The following ADAMTSL3 variants were observed in gnomAD, a reference collection of about 807,000 sequenced individuals.
The protein encoded by ADAMTSL3 is ADAMTS-like protein 3.
ADAMTSL3 carries 128 observed loss-of-function variants against 201.7 expected under a neutral mutation model. The ratio of observed to expected loss-of-function variants is 0.63; its 90% CI spans 0.55 to 0.73. ADAMTSL3 has a LOEUF of 0.73. Ranked by LOEUF, ADAMTSL3 falls within the 30% of genes least tolerant of loss-of-function variation. The probability of loss-of-function intolerance (pLI) is 0.00; values close to 1 mark genes in which losing one functional copy is unlikely to be tolerated. For missense variants in ADAMTSL3, 1,990 were observed against 2,119.6 expected, an observed-to-expected ratio of 0.94 and a Z score of 1.20; for synonymous variants, 738 against 748.4, an observed-to-expected ratio of 0.99 and a Z score of 0.23.
chr15:83,917,763 T>C (rs1467319393), intron 16 of ADAMTSL3, among the ~76,000 whole-genome samples: 3 of 152,040 alleles, frequency 2.0e-5, no homozygotes, highest in Admixed American at 6.6e-5. Context: ...CAACTCTCTT[T>C]GTTTCATTTG....
chr15:83,996,344 G>C (rs919917099), intron 23 of ADAMTSL3, among the ~76,000 whole-genome samples: 2 of 152,034 alleles, frequency 1.3e-5, no homozygotes, highest in Admixed American at 6.5e-5. Context: ...ACACTTTGCT[G>C]TTAAGATATA....
chr15:83,960,043 T>C (rs113846348), intron 19 of ADAMTSL3, among the ~76,000 whole-genome samples: 23 of 152,324 alleles, frequency 1.5e-4, no homozygotes, highest in African/African-American at 5.5e-4. Flanking sequence ...TCATTTTTAT[T>C]ATGTGAGAAA....
At chr15:83,968,993 G>C (rs1028061001) in intron 19 of ADAMTSL3, among the ~76,000 whole-genome samples, 6 of 152,070 alleles carry the variant, frequency 3.9e-5, no homozygotes, top group African/African-American at 1.4e-4. Context: ...TCACACACTG[G>C]GGCCTGTCAG....
intron 5 of ADAMTSL3, among the ~76,000 whole-genome samples, chr15:83,813,901 A>G (rs2063734073): frequency 6.6e-6 from 1 of 152,226 alleles, no homozygotes; most frequent in African/African-American, 2.4e-5. Context: ...GAGGTCTAAT[A>G]CCTGAATTCA....
At chr15:83,715,481 C>G (rs2062004791) in intron 3 of ADAMTSL3, among the ~76,000 whole-genome samples, 1 of 152,108 alleles carries the variant, frequency 6.6e-6, no homozygotes, top group Non-Finnish European at 1.5e-5. Flanking sequence ...TTCTCTCATC[C>G]CCTTTGAGAT....
chr15:83,841,949 AG>A (rs2064386658), intron 7 of ADAMTSL3, among the ~76,000 whole-genome samples: 1 of 151,396 alleles, frequency 6.6e-6, no homozygotes, highest in Non-Finnish European at 1.5e-5. Flanking sequence ...ACAGAGACTC[AG>A]GGGGAAATTT....
In ADAMTSL3 at chr15:83,770,883, C is replaced by T. The variant is rs890452039; in HGVS notation, c.190-2640C>T. Reference sequence around the variant, plus strand: ...AGGTTCGAGACTGTCCTGGCTAACACGGTGAAACCCCATCTCTACTAAAAA... The same window carrying T: ...AGGTTCGAGACTGTCCTGGCTAACATGGTGAAACCCCATCTCTACTAAAAA... On this transcript the variant is annotated intron_variant, in intron 3 of 29. Transcript: ENST00000286744. Among the ~76,000 whole-genome samples, 129 of 152,016 alleles carry T rather than the reference C, an allele frequency of 8.5e-4. 9 individuals carry two copies. Among genetic ancestry groups the T allele is most frequent in the Admixed American group, 6.6e-5 (1 of 15,256 alleles).
rs867218845 is a variant in ADAMTSL3, at chr15:84,038,596, A to G, written c.*790A>G. Reference sequence around the variant, plus strand: ...TGAAACTTTTTCTAAGCACTATTCTATTGCACACAAACAGAAAACCAAAGC... The same window carrying G: ...TGAAACTTTTTCTAAGCACTATTCTGTTGCACACAAACAGAAAACCAAAGC... On this transcript the variant is annotated 3_prime_UTR_variant, in exon 30 of 30. Coordinates refer to ENST00000286744, the MANE Select transcript of ADAMTSL3 (RefSeq NM_207517.3). 1 of 152,660 alleles carries G rather than the reference A, an allele frequency of 6.6e-6. No homozygotes were observed. Among genetic ancestry groups the G allele is most frequent in the South Asian group, 2.1e-4 (1 of 4,836 alleles). The allele number at this position is 152,660 out of a possible 1,614,324, so 9.5% of individuals were successfully genotyped here. A position where few individuals can be genotyped will look rare whatever the true frequency, so the allele number is the denominator to read the frequency against.
chr15:83,996,488 T>C (rs893446123), intron 23 of ADAMTSL3, among the ~76,000 whole-genome samples: 4 of 151,946 alleles, frequency 2.6e-5, no homozygotes, highest in Admixed American at 2.0e-4. Flanking sequence ...CCACTCAATA[T>C]AAAAATGAGC....
intron 3 of ADAMTSL3, among the ~76,000 whole-genome samples, chr15:83,724,518 G>A (rs1336269619): frequency 6.6e-6 from 1 of 151,932 alleles, no homozygotes; most frequent in Non-Finnish European, 1.5e-5. Context: ...TGGGGTATCC[G>A]TCACCTCAGG....
intron 6 of ADAMTSL3, among the ~76,000 whole-genome samples, chr15:83,827,130 G>C (rs2064041365): frequency 6.6e-6 from 1 of 152,190 alleles, no homozygotes; most frequent in Admixed American, 6.5e-5. Flanking sequence ...TCCACCAACA[G>C]TGTAAAAGTG....
intron 20 of ADAMTSL3, 29 bp from the exon 21 acceptor site, chr15:83,982,244 T>C: frequency 1.3e-6 from 2 of 1,527,970 alleles, no homozygotes; most frequent in Non-Finnish European, 1.8e-6. Context: ...ATTCGTATTT[T>C]CTTTTCTTTC....
intron 23 of ADAMTSL3, among the ~76,000 whole-genome samples, chr15:83,997,771 T>G (rs1236550111): frequency 6.6e-6 from 1 of 152,214 alleles, no homozygotes; most frequent in Non-Finnish European, 1.5e-5. Context: ...TAGCCCTGTT[T>G]CCTGTAAGAC....
intron 2 of ADAMTSL3, among the ~76,000 whole-genome samples, chr15:83,696,677 T>A (rs1413779468): frequency 7.2e-5 from 11 of 152,152 alleles, no homozygotes; most frequent in Non-Finnish European, 1.5e-5. Context: ...GGAACTATAA[T>A]TGGGCAAATT....
At chr15:83,920,349 C>G (rs1050374871) in intron 16 of ADAMTSL3, among the ~76,000 whole-genome samples, 8 of 152,168 alleles carry the variant, frequency 5.3e-5, no homozygotes, top group African/African-American at 1.9e-4. Context: ...CGCTCAGGCT[C>G]CAGTGGTTTA....
chr15:83,775,881 C>A (rs1445711150), intron 4 of ADAMTSL3, among the ~76,000 whole-genome samples: 1 of 152,204 alleles, frequency 6.6e-6, no homozygotes, highest in Non-Finnish European at 1.5e-5. Flanking sequence ...TCCCTATTTA[C>A]ATGTGCTAAC....
At chr15:84,026,582 A>G (rs1255336870) in intron 27 of ADAMTSL3, among the ~76,000 whole-genome samples, 1 of 152,226 alleles carries the variant, frequency 6.6e-6, no homozygotes, top group Non-Finnish European at 1.5e-5. Flanking sequence ...ATAGTATGGT[A>G]CTGACATAGG....
chr15:83,683,294 G>GC (rs2141430521), intron 2 of ADAMTSL3, among the ~76,000 whole-genome samples: 2 of 152,206 alleles, frequency 1.3e-5, no homozygotes, highest in South Asian at 4.2e-4. Flanking sequence ...AACTTGCACT[G>GC]CTCCATGCTT....
Position 83,942,646 on chromosome 15 carries a change from T to G in ADAMTSL3, c.2168T>G (p.Ile723Ser), listed in dbSNP as rs752087108. The change falls in exon 18 of 30, where the codon ATT (isoleucine) becomes AGT (serine). Residue 723 changes from isoleucine (I) to serine (S), a missense_variant. Transcript: ENST00000286744. ...TGCTCAGCTACCTGTGGAGTTGGAA[T>G]TCAGACCCGAGATGTGTACTGCCTG... ...GPCSATCGVGIQTRDVYCLHP... is the reference protein window; with the variant it reads ...GPCSATCGVGSQTRDVYCLHP... 5.0e-6 allele frequency: 8 copies of G among 1,613,944 alleles called. No individual in the cohort carries two copies. The highest frequency in any genetic ancestry group is 1.7e-5 in the Admixed American group (1 of 60,008).
Sources: gnomAD v4.1 joint callset for allele counts (sites outside exome capture counted in the v4.1 genomes callset) on GRCh38, gnomAD v4.1.1 for gene constraint, MANE v1.5 for transcripts, NCBI Gene and HGNC (gene_info 2026-07-23, HGNC 2026-07-21) for gene names.